Variants in ODR4 observed in about 807,000 individuals in gnomAD.
ODR4 encodes the protein odr-4 GPCR localization factor homolog.
Under a neutral mutation model 60.2 loss-of-function variants are expected in ODR4, and 47 were observed. The ratio of observed to expected loss-of-function variants is 0.78; its 90% CI spans 0.62 to 1.00. The LOEUF (loss-of-function observed/expected upper bound fraction) is 1.00. ODR4 is among the 50% of genes least tolerant of loss of function. The pLI, the probability that ODR4 is intolerant of heterozygous loss-of-function variation, is 0.00. For synonymous variants in ODR4, 178 were observed against 175.5 expected (o/e 1.01, Z -0.11); for missense variants, 488 against 530.8 (o/e 0.92, Z 0.79).
At chr1:186,434,547 C>A in the ODR4 span, among the ~76,000 whole-genome samples, 1 of 152,132 alleles carries the variant, frequency 6.6e-6, no homozygotes, top group Admixed American at 6.6e-5. Flanking sequence ...AAAGTCCTTT[C>A]CATTTCCCTA....
intron 12 of ODR4, among the ~76,000 whole-genome samples, chr1:186,413,181 A>C (rs1467872144): frequency 6.6e-6 from 1 of 152,106 alleles, no homozygotes; most frequent in Non-Finnish European, 1.5e-5. Context: ...TTTGAGCACC[A>C]ACATGATGCT....
intron 1 of ODR4, among the ~76,000 whole-genome samples, 194 bp downstream of exon 1, chr1:186,376,168 T>A (rs1659754702): frequency 6.6e-6 from 1 of 152,154 alleles, no homozygotes; most frequent in African/African-American, 2.4e-5. Context: ...AGTGATTCAG[T>A]ACCCGGGAAT....
rs2272414 is a variant in ODR4, at chr1:186,382,977, G to C, written c.100-45G>C. 3.1e-4 allele frequency: 471 copies of C among 1,541,788 alleles called. 2 individuals carry two copies. In the East Asian group the frequency reaches 0.01, roughly 34 times the overall value. On this transcript the variant is annotated intron_variant, in intron 2 of 13. Transcript: ENST00000287859. ...TTAGGTATCACTCTAATTAGATTGA[G>C]GAATCAGATATCACTCTAACAAGCT...
At chr1:186,401,928 ATTTC>A (rs1268194405) in intron 11 of ODR4, among the ~76,000 whole-genome samples, 1 of 152,008 alleles carries the variant, frequency 6.6e-6, no homozygotes, top group Non-Finnish European at 1.5e-5. Flanking sequence ...AATTGGTATT[ATTTC>A]TTTTTTAAAG....
At chr1:186,392,906 G>A (rs186999590) in intron 8 of ODR4, among the ~76,000 whole-genome samples, 22 of 152,340 alleles carry the variant, frequency 1.4e-4, no homozygotes, top group Non-Finnish European at 2.9e-4. Context: ...TCGGGGTGCT[G>A]AGGCAGAAGA....
In ODR4 at chr1:186,420,308, G is replaced by A. The variant is rs546845618; in HGVS notation, c.*1232G>A. Reference sequence around the variant, plus strand: ...GAATCTGAGATGCTGCCCTAGAGAGGACAGTTAAAGAAGGTTCAGTGGTCC... The same window carrying A: ...GAATCTGAGATGCTGCCCTAGAGAGAACAGTTAAAGAAGGTTCAGTGGTCC... On this transcript the variant is annotated 3_prime_UTR_variant, in exon 14 of 14. Transcript: ENST00000287859. 3.9e-5 allele frequency: 6 copies of A among 152,326 alleles called. No homozygotes were observed. In the South Asian group the frequency reaches 1.2e-3, roughly 32 times the overall value. The allele number at this position is 152,326 out of a possible 1,614,324, so 9.4% of individuals were successfully genotyped here.
intron 11 of ODR4, among the ~76,000 whole-genome samples, chr1:186,402,403 T>C (rs1661016890): frequency 1.3e-5 from 2 of 150,766 alleles, no homozygotes; most frequent in South Asian, 4.2e-4. Flanking sequence ...CTTTCTTCCT[T>C]CTTTTTTTTA....
chr1:186,379,659 G>C, intron 1 of ODR4, 108 bp from the exon 2 acceptor site: 2 of 589,366 alleles, frequency 3.4e-6, no homozygotes. Flanking sequence ...TGCAAGGCAT[G>C]AGATAGCCTC....
chr1:186,394,193 G>C (rs543130532), intron 9 of ODR4, among the ~76,000 whole-genome samples, 178 bp downstream of exon 9: 126 of 151,992 alleles, frequency 8.3e-4, no homozygotes, highest in Non-Finnish European at 1.7e-3. Flanking sequence ...AACCTGTTTG[G>C]GTTTTTTGCC....
At chr1:186,416,786 G>A (rs946853554) in intron 12 of ODR4, among the ~76,000 whole-genome samples, 1 of 148,386 alleles carries the variant, frequency 6.7e-6, no homozygotes, top group African/African-American at 2.5e-5. Context: ...AACCTGGGAG[G>A]CAGAGGTTGC....
the ODR4 span, among the ~76,000 whole-genome samples, chr1:186,427,711 A>G: frequency 6.6e-6 from 1 of 152,216 alleles, no homozygotes; most frequent in Non-Finnish European, 1.5e-5. Context: ...GATCCATCAG[A>G]GGAATCACTA....
Position 186,381,942 on chromosome 1 carries a change from CAG to C in ODR4, c.100-1077_100-1076del, listed in dbSNP as rs529565855. On this transcript the variant is annotated intron_variant, in intron 2 of 13. Transcript: ENST00000287859. ...TCTATCCCAAGATGATACTAATGAT[CAG>C]AGTTTCAGGTCATGTGTGGGGAAGA... 1.1e-4 allele frequency among the ~76,000 whole-genome samples: 17 copies of C among 152,248 alleles called. No individual in the cohort carries two copies. In the East Asian group the frequency reaches 3.3e-3, roughly 29 times the overall value.
intron 12 of ODR4, among the ~76,000 whole-genome samples, chr1:186,411,124 C>T (rs1661367910): frequency 6.6e-6 from 1 of 151,934 alleles, no homozygotes; most frequent in Non-Finnish European, 1.5e-5. Flanking sequence ...AAAATTTGAA[C>T]CTTTTTGAGC....
At chr1:186,417,061 C>T (rs1465457853) in intron 12 of ODR4, among the ~76,000 whole-genome samples, 1 of 151,964 alleles carries the variant, frequency 6.6e-6, no homozygotes, top group South Asian at 2.1e-4. Context: ...CTCCCGGGTT[C>T]AAGCAGTTCT....
At chr1:186,393,842 C>T (rs1030362578) in intron 8 of ODR4, 105 bp from the exon 9 acceptor site, 2 of 645,372 alleles carry the variant, frequency 3.1e-6, no homozygotes, top group East Asian at 5.8e-5. Flanking sequence ...AATTAAAAGA[C>T]TTGTTTTTTT....
chr1:186,396,166 A>G (rs1268831107), intron 9 of ODR4, among the ~76,000 whole-genome samples: 1 of 152,172 alleles, frequency 6.6e-6, no homozygotes, highest in Non-Finnish European at 1.5e-5. Context: ...TTCAAATGCC[A>G]TGTCAGCATC....
the ODR4 span, among the ~76,000 whole-genome samples, chr1:186,433,562 C>A: frequency 6.6e-6 from 1 of 151,906 alleles, no homozygotes; most frequent in Non-Finnish European, 1.5e-5. Context: ...TTATTAGTTA[C>A]AATGCTTTAT....
chr1:186,388,452 C>T lies in ODR4; in HGVS notation c.341C>T (p.Ala114Val). 1 of 1,532,286 alleles carries T rather than the reference C, an allele frequency of 6.5e-7. No individual in the cohort carries two copies. Among genetic ancestry groups the T allele is most frequent in the Non-Finnish European group, 8.8e-7 (1 of 1,137,852 alleles). 94.9% of individuals were successfully genotyped at this position (1,532,286 alleles called of 1,614,324 possible). A position where few individuals can be genotyped will look rare whatever the true frequency, so the allele number is the denominator to read the frequency against. Reference protein sequence around the residue: ...FQNALRRLMFAVEKSINRKRL... With the variant: ...FQNALRRLMFVVEKSINRKRL... The stretch of plus-strand genomic sequence containing the variant: ...TTTTCTCTCTTTCAGCTAATGTTTG[C>T]TGTGGAAAAGTCTATAAATAGAAAG... Residue 114 changes from alanine to valine, a missense_variant, in exon 5 of 14, where the codon GCT (alanine) becomes GTT (valine). Coordinates refer to ENST00000287859, the MANE Select transcript of ODR4 (RefSeq NM_017847.6).
chr1:186,377,125 T>G (rs1349237503), intron 1 of ODR4, among the ~76,000 whole-genome samples: 4 of 152,222 alleles, frequency 2.6e-5, no homozygotes, highest in African/African-American at 9.6e-5. Context: ...TTAAATCATC[T>G]CTAAGTTACT....
Sources: gnomAD v4.1 joint callset for allele counts (sites outside exome capture counted in the v4.1 genomes callset) on GRCh38, gnomAD v4.1.1 for gene constraint, MANE v1.5 for transcripts, NCBI Gene and HGNC (gene_info 2026-07-23, HGNC 2026-07-21) for gene names.